Variants in LZTS1 observed in about 807,000 individuals in gnomAD.
The protein encoded by LZTS1 is leucine zipper putative tumor suppressor 1.
Under a neutral mutation model 45.8 loss-of-function variants are expected in LZTS1, and 31 were observed. The ratio of observed to expected loss-of-function variants is 0.68; its 90% CI spans 0.51 to 0.91. The LOEUF is 0.91. Among genes scored for constraint, LZTS1 ranks in the 40% least tolerant of loss-of-function variants. LZTS1 has a pLI of 0.00. For synonymous variants in LZTS1, 359 were observed against 357.3 expected (o/e 1.00, Z -0.05); for missense variants, 821 against 788.9 (o/e 1.04, Z -0.49).
chr8:20,276,182 A>G (rs1161461692), intron 1 of LZTS1, among the ~76,000 whole-genome samples: 1 of 152,136 alleles, frequency 6.6e-6, no homozygotes, highest in African/African-American at 2.4e-5. Context: ...GATATTATAA[A>G]ATATATATTT....
intron 1 of LZTS1, chr8:20,290,127 C>T (rs1353358638): frequency 1.3e-5 from 2 of 152,248 alleles, no homozygotes; most frequent in African/African-American, 4.8e-5. Flanking sequence ...TTGGTGGAGA[C>T]ACTGCCTTCT....
At chr8:20,293,177 T>C (rs1483277740) in intron 1 of LZTS1, among the ~76,000 whole-genome samples, 4 of 152,190 alleles carry the variant, frequency 2.6e-5, no homozygotes, top group Non-Finnish European at 5.9e-5. Context: ...ATCTATTCTA[T>C]ATTCCATTGC....
chr8:20,270,998 T>A (rs748945068), intron 1 of LZTS1, among the ~76,000 whole-genome samples: 5 of 152,054 alleles, frequency 3.3e-5, no homozygotes, highest in African/African-American at 7.2e-5. Flanking sequence ...CACGAAGAGT[T>A]TAACCTGGTC....
chr8:20,264,443 C>T (rs2128894881), intron 1 of LZTS1, among the ~76,000 whole-genome samples: 1 of 152,288 alleles, frequency 6.6e-6, no homozygotes, highest in East Asian at 1.9e-4. Flanking sequence ...GGAGAGACGA[C>T]ATCTAGGACC....
At chr8:20,292,197 A>G (rs1800911405) in intron 1 of LZTS1, among the ~76,000 whole-genome samples, 1 of 152,236 alleles carries the variant, frequency 6.6e-6, no homozygotes, top group Non-Finnish European at 1.5e-5. Flanking sequence ...TGAGAGTTTC[A>G]TGTCAGTAGG....
At chr8:20,288,603 G>A (rs995368101) in intron 1 of LZTS1, among the ~76,000 whole-genome samples, 1 of 152,308 alleles carries the variant, frequency 6.6e-6, no homozygotes, top group Middle Eastern at 3.4e-3. Flanking sequence ...TATCTGGCCA[G>A]TGGCAGTACC....
intron 1 of LZTS1, among the ~76,000 whole-genome samples, chr8:20,269,475 T>C (rs182350584): frequency 6.6e-6 from 1 of 152,170 alleles, no homozygotes; most frequent in South Asian, 2.1e-4. Flanking sequence ...TGGGCACCCC[T>C]GGAAGGTGAA....
At chr8:20,278,036 G>C (rs1248108823) in intron 1 of LZTS1, among the ~76,000 whole-genome samples, 2 of 152,128 alleles carry the variant, frequency 1.3e-5, no homozygotes, top group Non-Finnish European at 2.9e-5. Context: ...CATGAGCAGG[G>C]CAGGAGAGTC....
At chr8:20,281,228 G>C (rs946697515) in intron 1 of LZTS1, among the ~76,000 whole-genome samples, 9 of 152,066 alleles carry the variant, frequency 5.9e-5, no homozygotes, top group African/African-American at 2.2e-4. Context: ...GTGAGGCCTG[G>C]TGGGAGGTGT....
intron 1 of LZTS1, among the ~76,000 whole-genome samples, chr8:20,297,777 T>TG (rs1291175744): frequency 6.6e-6 from 1 of 152,104 alleles, no homozygotes; most frequent in Non-Finnish European, 1.5e-5. Flanking sequence ...AAAAGGGAGA[T>TG]GGGGGGTGAA....
Position 20,247,042 on chromosome 8 carries a change from G to C in LZTS1, c.*2680C>G, listed in dbSNP as rs1554549369. 6.6e-6 allele frequency: 1 copy of C among 152,358 alleles called. No homozygotes were observed. The highest frequency in any genetic ancestry group is 1.5e-5 in the Non-Finnish European group (1 of 68,136). The allele number at this position is 152,358 out of a possible 1,614,324, so 9.4% of individuals were successfully genotyped here. On this transcript the variant is annotated 3_prime_UTR_variant, in exon 4 of 4. Transcript: ENST00000381569. ...CACCCACAGGAAGGTGAGGTTGCAA[G>C]GTCGCAGGATACTTGCATTCTAGTG...
Position 20,292,582 on chromosome 8 carries a change from T to G in LZTS1, c.-135+11158A>C, listed in dbSNP as rs538540087. Among the ~76,000 whole-genome samples, 11 of 151,390 alleles carry G rather than the reference T, an allele frequency of 7.3e-5. No homozygotes were observed. The South Asian group carries it at 2.1e-3, about 29-fold the overall frequency. ...CACTCAGAGAAACAAGACAGAAGAG[T>G]GGTGAGAAAAATACAGAGCGTTGTA... On this transcript the variant is annotated intron_variant, in intron 1 of 3. Coordinates refer to ENST00000381569, the MANE Select transcript of LZTS1 (RefSeq NM_021020.5).
intron 1 of LZTS1, among the ~76,000 whole-genome samples, chr8:20,273,341 C>T (rs138819405): frequency 7.2e-5 from 11 of 152,112 alleles, no homozygotes; most frequent in South Asian, 2.1e-4. Context: ...TTCTGCACGG[C>T]GTCAGCTGCA....
Position 20,249,657 on chromosome 8 carries a change from G to GGGAT in LZTS1, c.*61_*64dup. ...GAGGGGTCTGAATTGCTGAGCAGGG[G>GGGAT]GGATGCACGGGAGAGCCCTGCCTCC... On this transcript the variant is annotated 3_prime_UTR_variant, in exon 4 of 4. Transcript: ENST00000381569. The GGGAT allele has an allele frequency of 6.5e-7, 1 of 1,537,922 alleles. No individual in the cohort carries two copies. Among genetic ancestry groups the GGGAT allele is most frequent in the Non-Finnish European group, 8.7e-7 (1 of 1,144,820 alleles).
At position 20,253,335 on chromosome 8, in the gene LZTS1, G is replaced by A. The variant is rs1563855954; in HGVS notation, c.596C>T (p.Pro199Leu). The A allele has an allele frequency of 6.2e-7, 1 of 1,613,732 alleles. No individual in the cohort carries two copies. Among genetic ancestry groups the A allele is most frequent in the Non-Finnish European group, 8.5e-7 (1 of 1,179,964 alleles). The change falls in exon 3 of 4, where the codon CCC (proline) becomes CTC (leucine). Residue 199 changes from proline (P) to leucine (L), a missense_variant. By Grantham distance (98) the Pro-to-Leu change is moderately conservative. Coordinates refer to ENST00000381569, the MANE Select transcript of LZTS1 (RefSeq NM_021020.5). Reference protein sequence around the residue: ...SSYQLDPLVTPVGPTSRFGGS... With the variant: ...SSYQLDPLVTLVGPTSRFGGS... Reference sequence around the variant, plus strand: ...CCCAAAACGGCTTGTGGGTCCCACGGGTGTGACCAGCGGGTCCAGCTGGTA... The same window carrying A: ...CCCAAAACGGCTTGTGGGTCCCACGAGTGTGACCAGCGGGTCCAGCTGGTA...
At chr8:20,258,493 A>G (rs1228422272) in intron 1 of LZTS1, among the ~76,000 whole-genome samples, 4 of 152,244 alleles carry the variant, frequency 2.6e-5, no homozygotes, top group Non-Finnish European at 5.9e-5. Context: ...TAAAGAGGTT[A>G]TGTTATGAAT....
At chr8:20,262,150 G>A (rs1298668941) in intron 1 of LZTS1, among the ~76,000 whole-genome samples, 1 of 152,202 alleles carries the variant, frequency 6.6e-6, no homozygotes, top group African/African-American at 2.4e-5. Flanking sequence ...GATGCAAAGT[G>A]TTGTGCTGGC....
intron 1 of LZTS1, among the ~76,000 whole-genome samples, chr8:20,275,597 G>A (rs1363432324): frequency 6.6e-6 from 1 of 151,938 alleles, no homozygotes; most frequent in African/African-American, 2.4e-5. Context: ...CGGGGTAAGA[G>A]AGGAGAAAGA....
chr8:20,280,323 C>T (rs553359505), intron 1 of LZTS1, among the ~76,000 whole-genome samples: 8 of 152,176 alleles, frequency 5.3e-5, no homozygotes, highest in African/African-American at 1.7e-4. Context: ...CTTTGTCAGG[C>T]GTAACAGTCC....
Sources: allele counts gnomAD v4.1 joint callset (sites outside exome capture counted in the v4.1 genomes callset), GRCh38; gene constraint gnomAD v4.1.1; transcripts MANE v1.5; gene names NCBI Gene and HGNC (gene_info 2026-07-23, HGNC 2026-07-21).